The following IPO11 variants were observed in gnomAD, a reference collection of about 807,000 sequenced individuals.
IPO11 encodes the protein importin-11.
IPO11 carries 66 observed loss-of-function variants against 143.2 expected under a neutral mutation model. That is an observed-to-expected ratio of 0.46 (90% CI 0.38 to 0.57). The LOEUF is 0.57. Among genes scored for constraint, IPO11 ranks in the 20% least tolerant of loss-of-function variants. The pLI is 0.00. For missense variants in IPO11, 1,026 were observed against 1,141.0 expected (o/e 0.90, Z 1.45); for synonymous variants, 385 against 377.8 (o/e 1.02, Z -0.22).
intron 16 of IPO11, 71 bp downstream of exon 16, chr5:62,494,195 C>T (rs897900267): frequency 7.4e-7 from 1 of 1,342,946 alleles, no homozygotes; most frequent in Admixed American, 2.2e-5. Flanking sequence ...AAGTTCACAA[C>T]AGTTTATGTC....
chr5:62,587,926 T>C (rs1744857603), intron 27 of IPO11, among the ~76,000 whole-genome samples: 1 of 152,192 alleles, frequency 6.6e-6, no homozygotes. Flanking sequence ...TCATGAGGTC[T>C]GGGAGGGATC....
At chr5:62,508,080 C>T (rs1217509548) in intron 19 of IPO11, among the ~76,000 whole-genome samples, 3 of 151,924 alleles carry the variant, frequency 2.0e-5, no homozygotes, top group Non-Finnish European at 4.4e-5. Flanking sequence ...TTTAATATGC[C>T]AAATTTGACG....
chr5:62,537,330 C>G (rs766870431), intron 24 of IPO11, 41 bp downstream of exon 24: 1 of 1,262,848 alleles, frequency 7.9e-7, no homozygotes, highest in South Asian at 1.2e-5. Flanking sequence ...ATGAATTTTT[C>G]ATTTATATTT....
intron 29 of IPO11, among the ~76,000 whole-genome samples, chr5:62,606,473 CCT>C (rs1170680309): frequency 8.1e-6 from 1 of 123,802 alleles, no homozygotes; most frequent in Non-Finnish European, 1.6e-5. Context: ...AGAACGAGAC[CCT>C]GTCTTAAAAA....
rs144671642 is a variant in IPO11, at chr5:62,599,722, C to T, written c.2679-2042C>T. The stretch of plus-strand genomic sequence containing the variant: ...ATGGAGGAGTGGCCACTTATATTCA[C>T]GTTAGTCATTCCTATTTTAAACTGT... On this transcript the variant is annotated intron_variant, in intron 28 of 29. Coordinates refer to ENST00000325324, the MANE Select transcript of IPO11 (RefSeq NM_016338.5). 3.3e-3 allele frequency among the ~76,000 whole-genome samples: 500 copies of T among 152,284 alleles called. 3 individuals carry two copies. Among genetic ancestry groups the T allele is most frequent in the African/African-American group, 0.011 (476 of 41,556 alleles).
intron 28 of IPO11, among the ~76,000 whole-genome samples, chr5:62,594,852 C>T (rs990282114): frequency 6.6e-6 from 1 of 152,148 alleles, no homozygotes; most frequent in Non-Finnish European, 1.5e-5. Context: ...TCCAGGGAAA[C>T]TGAGAATCAT....
chr5:62,548,320 T>TAAAGTA (rs1743277692), intron 24 of IPO11, among the ~76,000 whole-genome samples: 2 of 152,164 alleles, frequency 1.3e-5, no homozygotes, highest in African/African-American at 4.8e-5. Context: ...AGGATTCTGT[T>TAAAGTA]ACTTTAATTT....
chr5:62,485,501 T>C, intron 12 of IPO11, 39 bp downstream of exon 12: 2 of 1,453,932 alleles, frequency 1.4e-6, no homozygotes, highest in South Asian at 1.1e-5. Context: ...AGGGGAAAGC[T>C]TAATCTTTCT....
chr5:62,507,176 G>T (rs960448074), intron 19 of IPO11, among the ~76,000 whole-genome samples: 1 of 152,138 alleles, frequency 6.6e-6, no homozygotes, highest in Admixed American at 6.5e-5. Flanking sequence ...AGAATTTATT[G>T]TCTCAAACAA....
intron 1 of IPO11, chr5:62,419,147 A>C (rs1233572597): frequency 6.5e-7 from 1 of 1,544,950 alleles, no homozygotes; most frequent in Non-Finnish European, 8.7e-7. Context: ...TGTGTGTTTA[A>C]ACATGTCTAA....
intron 24 of IPO11, among the ~76,000 whole-genome samples, chr5:62,547,562 C>A (rs1428693345): frequency 1.3e-5 from 2 of 152,136 alleles, no homozygotes; most frequent in African/African-American, 4.8e-5. Context: ...ATTTTTCTTT[C>A]AGAAACTCTC....
At chr5:62,507,972 A>G (rs1236424797) in intron 19 of IPO11, among the ~76,000 whole-genome samples, 2 of 152,080 alleles carry the variant, frequency 1.3e-5, no homozygotes, top group African/African-American at 2.4e-5. Flanking sequence ...GGAAATGGTT[A>G]AAAAAATATT....
chr5:62,490,828 T>C (rs555618994), intron 15 of IPO11, among the ~76,000 whole-genome samples: 1 of 152,292 alleles, frequency 6.6e-6, no homozygotes, highest in South Asian at 2.1e-4. Context: ...CAATCTCAGC[T>C]CACTGCAACC....
At chr5:62,610,242 A>C (rs1745878810) in intron 29 of IPO11, among the ~76,000 whole-genome samples, 1 of 152,166 alleles carries the variant, frequency 6.6e-6, no homozygotes, top group Non-Finnish European at 1.5e-5. Flanking sequence ...ATTGCTTGCC[A>C]TCTGATTATT....
chr5:62,618,056 A>G (rs990796880), intron 29 of IPO11, among the ~76,000 whole-genome samples: 4 of 152,180 alleles, frequency 2.6e-5, no homozygotes, highest in Admixed American at 2.6e-4. Flanking sequence ...TAAGTAGAAT[A>G]TGTAAGTGTT....
intron 29 of IPO11, among the ~76,000 whole-genome samples, chr5:62,602,300 CA>C (rs1175481613): frequency 2.0e-5 from 3 of 151,728 alleles, no homozygotes; most frequent in African/African-American, 7.3e-5. Flanking sequence ...TAATTCTCAC[CA>C]GAGGAATCTG....
intron 5 of IPO11, among the ~76,000 whole-genome samples, chr5:62,464,143 G>GTTTTTT (rs34056674): frequency 2.0e-4 from 16 of 78,672 alleles, no homozygotes; most frequent in African/African-American, 2.6e-4. Flanking sequence ...GTTTTTGGTG[G>GTTTTTT]TTTTTTTTTT....
At chr5:62,567,169 T>G (rs1743973293) in intron 27 of IPO11, among the ~76,000 whole-genome samples, 1 of 152,224 alleles carries the variant, frequency 6.6e-6, no homozygotes, top group Non-Finnish European at 1.5e-5. Context: ...TCCTGCATGT[T>G]TGAAGTATAT....
chr5:62,530,652 TGTTAATGGC>T (rs1742513496), intron 21 of IPO11, 48 bp from the exon 22 acceptor site: 7 of 1,039,816 alleles, frequency 6.7e-6, no homozygotes, highest in Non-Finnish European at 9.0e-6. Context: ...TTAAGTCATA[TGTTAATGGC>T]TTTAATGGGC....
Sources: gnomAD v4.1 joint callset for allele counts (sites outside exome capture counted in the v4.1 genomes callset) on GRCh38, gnomAD v4.1.1 for gene constraint, MANE v1.5 for transcripts, NCBI Gene and HGNC (gene_info 2026-07-23, HGNC 2026-07-21) for gene names.